Variants in SUSD1 observed in about 807,000 individuals in gnomAD.
SUSD1 encodes sushi domain containing 1, also known as sushi domain-containing protein 1.
In SUSD1, 65 loss-of-function variants were observed where a neutral mutation model predicts 86.9. The observed-to-expected ratio is 0.75, with a 90% CI of 0.61 to 0.92. SUSD1 has a LOEUF of 0.92. SUSD1 is among the 40% of genes least tolerant of loss of function. The pLI, the probability that SUSD1 is intolerant of heterozygous loss-of-function variation, is 0.00. For missense variants in SUSD1, 850 were observed against 929.7 expected (o/e 0.91, Z 1.11); for synonymous variants, 346 against 350.0 (o/e 0.99, Z 0.13).
chr9:112,062,854 A>G, intron 13 of SUSD1, 83 bp downstream of exon 13: 1 of 888,866 alleles, frequency 1.1e-6, no homozygotes, highest in Non-Finnish European at 1.8e-6. Context: ...CCAACACAGA[A>G]GTCTTCTCCT....
In SUSD1 at chr9:112,041,203, A is replaced by G. The variant is rs1827720104; in HGVS notation, c.*289T>C. ...AGCCAAGATTCACAGATCTGTATGT[A>G]GCCTTCGGTCAATATCACAGTGTAC... On this transcript the variant is annotated 3_prime_UTR_variant, in exon 17 of 17. Coordinates refer to ENST00000374270, the MANE Select transcript of SUSD1 (RefSeq NM_022486.5). 1 of 570,350 alleles carries G rather than the reference A, an allele frequency of 1.8e-6. No individual in the cohort carries two copies. Among genetic ancestry groups the G allele is most frequent in the Admixed American group, 3.0e-5 (1 of 33,546 alleles). 35.3% of individuals were successfully genotyped at this position (570,350 alleles called of 1,614,324 possible). A position where few individuals can be genotyped will look rare whatever the true frequency, so the allele number is the denominator to read the frequency against.
At chr9:112,057,898 G>C (rs1214030682) in intron 14 of SUSD1, among the ~76,000 whole-genome samples, 6 of 152,174 alleles carry the variant, frequency 3.9e-5, no homozygotes, top group African/African-American at 1.4e-4. Context: ...GCAGCTCCAT[G>C]ATGTTTCCTA....
chr9:112,166,151 C>T (rs776657103), intron 1 of SUSD1, among the ~76,000 whole-genome samples: 4 of 152,138 alleles, frequency 2.6e-5, no homozygotes, highest in Non-Finnish European at 5.9e-5. Context: ...AGGTGGTTTC[C>T]AAAGAAATAC....
intron 12 of SUSD1, 140 bp from the exon 13 acceptor site, chr9:112,063,173 G>A: frequency 4.1e-6 from 2 of 490,992 alleles, no homozygotes; most frequent in Non-Finnish European, 7.4e-6. Flanking sequence ...GCCACAATGT[G>A]GAAGAACATG....
At chr9:112,137,701 C>CT (rs1338473620) in intron 5 of SUSD1, 1 of 152,122 alleles carries the variant, frequency 6.6e-6, no homozygotes, top group East Asian at 1.9e-4. Context: ...ACTGGGGTTT[C>CT]TTAATTATGC....
At chr9:112,160,163 T>A (rs1395217686) in intron 1 of SUSD1, among the ~76,000 whole-genome samples, 1 of 152,122 alleles carries the variant, frequency 6.6e-6, no homozygotes, top group Non-Finnish European at 1.5e-5. Context: ...TCAAATGCAC[T>A]GGGGGAAAAT....
chr9:112,070,149 G>A (rs563841293), intron 12 of SUSD1, among the ~76,000 whole-genome samples: 2 of 152,056 alleles, frequency 1.3e-5, no homozygotes, highest in East Asian at 1.9e-4. Flanking sequence ...GGGATTACAG[G>A]CATGCACCAC....
intron 5 of SUSD1, among the ~76,000 whole-genome samples, chr9:112,131,383 G>C (rs1391176449): frequency 6.6e-6 from 1 of 152,324 alleles, no homozygotes; most frequent in East Asian, 1.9e-4. Context: ...CCCAGAGCAA[G>C]AGAGCTGCTG....
chr9:112,068,211 T>C (rs918473983), intron 12 of SUSD1, among the ~76,000 whole-genome samples: 2 of 152,132 alleles, frequency 1.3e-5, no homozygotes, highest in Non-Finnish European at 2.9e-5. Flanking sequence ...AACATCTAAC[T>C]GAAGGCAGGG....
chr9:112,117,159 C>A (rs765233072), intron 6 of SUSD1, among the ~76,000 whole-genome samples: 3 of 152,148 alleles, frequency 2.0e-5, no homozygotes, highest in East Asian at 1.9e-4. Context: ...AAAATAAATT[C>A]TTTTAAGAAA....
At chr9:112,114,294 C>T (rs1475007350) in intron 6 of SUSD1, among the ~76,000 whole-genome samples, 1 of 152,112 alleles carries the variant, frequency 6.6e-6, no homozygotes, top group Non-Finnish European at 1.5e-5. Flanking sequence ...ACCAGCCTGG[C>T]TAACATGGCA....
At chr9:112,111,598 C>T in intron 8 of SUSD1, 56 bp downstream of exon 8, 1 of 1,573,586 alleles carries the variant, frequency 6.4e-7, no homozygotes, top group South Asian at 1.2e-5. Flanking sequence ...AGCATACTTC[C>T]CCACATTCTG....
chr9:112,062,136 A>G (rs1200347705), intron 13 of SUSD1, among the ~76,000 whole-genome samples: 3 of 152,218 alleles, frequency 2.0e-5, no homozygotes, highest in African/African-American at 7.2e-5. Flanking sequence ...ATGAAAAGAC[A>G]AAAAGATTTA....
chr9:112,156,429 T>C (rs757592724), intron 2 of SUSD1, among the ~76,000 whole-genome samples: 6 of 149,776 alleles, frequency 4.0e-5, no homozygotes, highest in Non-Finnish European at 7.4e-5. Context: ...ACCACTGCAC[T>C]CCAGCCTGGG....
At chr9:112,042,317 CTT>C (rs1827778154) in intron 15 of SUSD1, among the ~76,000 whole-genome samples, 1 of 152,144 alleles carries the variant, frequency 6.6e-6, no homozygotes. Context: ...GGGCCGTTTT[CTT>C]TTGCATGGAG....
At chr9:112,173,671 G>A (rs372059954) in intron 1 of SUSD1, 14 of 450,160 alleles carry the variant, frequency 3.1e-5, no homozygotes, top group East Asian at 5.8e-5. Flanking sequence ...GCACGAGCAC[G>A]TTTCCCAAGC....
intron 14 of SUSD1, 116 bp from the exon 15 acceptor site, chr9:112,052,554 T>A: frequency 8.5e-7 from 1 of 1,179,558 alleles, no homozygotes; most frequent in Non-Finnish European, 1.2e-6. Context: ...TAATCTGAAC[T>A]AGACCTTTAA....
rs142342623 is a variant in SUSD1, at chr9:112,086,520, A to AAGAG, written c.1475-6359_1475-6356dup. ...TAACTATGAAAAAAAGAAAGAAAGA[A>AAGAG]AGAGAGAGAGAGAGAAAAAAAGAAA... On this transcript the variant is annotated intron_variant, in intron 10 of 16. Coordinates refer to ENST00000374270, the MANE Select transcript of SUSD1 (RefSeq NM_022486.5). Among the ~76,000 whole-genome samples the AAGAG allele has an allele frequency of 5.5e-4, 81 of 147,682 alleles. 1 individual carries two copies. The East Asian group carries it at 0.013, about 24-fold the overall frequency.
intron 12 of SUSD1, among the ~76,000 whole-genome samples, chr9:112,071,878 G>T (rs1227396380): frequency 6.6e-6 from 1 of 152,074 alleles, no homozygotes; most frequent in Non-Finnish European, 1.5e-5. Context: ...TCCCATCCAA[G>T]GCATGGTAAA....
Sources: gnomAD v4.1 joint callset for allele counts (sites outside exome capture counted in the v4.1 genomes callset) on GRCh38, gnomAD v4.1.1 for gene constraint, MANE v1.5 for transcripts, NCBI Gene and HGNC (gene_info 2026-07-23, HGNC 2026-07-21) for gene names.